Variants in LHFPL2 observed in about 807,000 individuals in gnomAD.
The protein encoded by LHFPL2 is LHFPL tetraspan subfamily member 2.
In LHFPL2, 7 loss-of-function variants were observed where a neutral mutation model predicts 17.5. The observed-to-expected ratio is 0.40, with a 90% CI of 0.23 to 0.75. The LOEUF (loss-of-function observed/expected upper bound fraction) is 0.75. Among genes scored for constraint, LHFPL2 ranks in the 30% least tolerant of loss-of-function variants. LHFPL2 has a pLI of 0.37. For missense variants in LHFPL2, 241 were observed against 294.8 expected (o/e 0.82, Z 1.34); for synonymous variants, 134 against 116.2 (o/e 1.15, Z -0.99).
intron 4 of LHFPL2, among the ~76,000 whole-genome samples, chr5:78,509,380 C>G (rs1561312013): frequency 1.3e-5 from 2 of 152,226 alleles, no homozygotes; most frequent in African/African-American, 4.8e-5. Context: ...TTACATTCCT[C>G]TTAGCATAAA....
chr5:78,486,217 T>C lies in LHFPL2; in HGVS notation c.*2680A>G, dbSNP rs1338238663. The C allele has an allele frequency of 6.6e-6, 1 of 152,580 alleles. No homozygotes were observed. Among genetic ancestry groups the C allele is most frequent in the African/African-American group, 2.4e-5 (1 of 41,446 alleles). The allele number at this position is 152,580 out of a possible 1,614,324, so 9.5% of individuals were successfully genotyped here. ...AAACCCTTATACAATTAATGCAACATTGTTTGAATTATTAGCACACAGGTT... is the reference window on the plus strand; with the variant it reads ...AAACCCTTATACAATTAATGCAACACTGTTTGAATTATTAGCACACAGGTT... On this transcript the variant is annotated 3_prime_UTR_variant, in exon 5 of 5. Transcript: ENST00000380345.
chr5:78,507,164 T>C (rs1754955439), intron 4 of LHFPL2, among the ~76,000 whole-genome samples: 1 of 151,980 alleles, frequency 6.6e-6, no homozygotes, highest in African/African-American at 2.4e-5. Context: ...ATTCTGTCAA[T>C]ACTAAAAATA....
chr5:78,600,665 C>T (rs12657225), intron 2 of LHFPL2, among the ~76,000 whole-genome samples: 55,033 of 151,976 alleles, frequency 0.36, 10,983 homozygotes, highest in Middle Eastern at 0.48. Flanking sequence ...GAGGTGGAGG[C>T]TGCGGTGAGC....
chr5:78,516,672 G>A (rs886999764), intron 3 of LHFPL2, among the ~76,000 whole-genome samples: 1 of 152,158 alleles, frequency 6.6e-6, no homozygotes, highest in South Asian at 2.1e-4. Flanking sequence ...GCGCATTCAT[G>A]ATATTTACTA....
chr5:78,594,263 C>T (rs114797976), intron 2 of LHFPL2, among the ~76,000 whole-genome samples: 7 of 152,268 alleles, frequency 4.6e-5, no homozygotes, highest in Admixed American at 6.5e-5. Context: ...CTCTGTTCCC[C>T]TATTTTTAGG....
chr5:78,607,676 G>C (rs990988737), intron 2 of LHFPL2, among the ~76,000 whole-genome samples: 1 of 152,134 alleles, frequency 6.6e-6, no homozygotes, highest in African/African-American at 2.4e-5. Flanking sequence ...TCAAAAGTCA[G>C]CATGAAAAGT....
At chr5:78,512,142 C>T (rs114658330) in intron 3 of LHFPL2, among the ~76,000 whole-genome samples, 280 of 152,168 alleles carry the variant, frequency 1.8e-3, no homozygotes, top group African/African-American at 6.4e-3. Flanking sequence ...TAGATGACAC[C>T]GTTCAGACAA....
chr5:78,522,442 T>TA (rs1018110669), intron 3 of LHFPL2, among the ~76,000 whole-genome samples: 2,057 of 150,684 alleles, frequency 0.014, 42 homozygotes, highest in African/African-American at 0.045. Flanking sequence ...TGTCTCAAAA[T>TA]AAAAAAAAAA....
intron 2 of LHFPL2, among the ~76,000 whole-genome samples, chr5:78,603,124 C>T (rs1046754863): frequency 1.3e-5 from 2 of 152,202 alleles, no homozygotes; most frequent in East Asian, 3.9e-4. Flanking sequence ...GATCTGCTGA[C>T]CTCGTGATCC....
chr5:78,602,083 A>C (rs1744041489), intron 2 of LHFPL2, among the ~76,000 whole-genome samples: 1 of 152,330 alleles, frequency 6.6e-6, no homozygotes, highest in Non-Finnish European at 1.5e-5. Context: ...CTTTGAAAAG[A>C]AGTTCCACTG....
chr5:78,571,795 G>A (rs1267901433), intron 2 of LHFPL2, among the ~76,000 whole-genome samples: 1 of 152,226 alleles, frequency 6.6e-6, no homozygotes, highest in Non-Finnish European at 1.5e-5. Flanking sequence ...TCATATGGAT[G>A]GATAAGGTGG....
intron 4 of LHFPL2, among the ~76,000 whole-genome samples, chr5:78,497,854 AAGT>A (rs1271323140): frequency 6.6e-6 from 1 of 152,206 alleles, no homozygotes; most frequent in Non-Finnish European, 1.5e-5. Context: ...ACACAGAAAA[AAGT>A]AGTCAGTTGA....
chr5:78,621,874 T>C (rs953271218), intron 2 of LHFPL2, among the ~76,000 whole-genome samples: 2 of 151,848 alleles, frequency 1.3e-5, no homozygotes, highest in African/African-American at 4.8e-5. Flanking sequence ...CCTTCCCCTT[T>C]CCCCCTAAGC....
At chr5:78,582,446 C>A (rs1159974926) in intron 2 of LHFPL2, among the ~76,000 whole-genome samples, 1 of 150,938 alleles carries the variant, frequency 6.6e-6, no homozygotes, top group East Asian at 1.9e-4. Flanking sequence ...TCCCTCTACA[C>A]ACTGCTTTGA....
intron 3 of LHFPL2, among the ~76,000 whole-genome samples, chr5:78,562,597 T>TGCA (rs966627067): frequency 6.8e-6 from 1 of 147,490 alleles, no homozygotes; most frequent in African/African-American, 2.5e-5. Context: ...ATCATGTCAC[T>TGCA]GCACTCCAGC....
intron 3 of LHFPL2, among the ~76,000 whole-genome samples, chr5:78,550,479 G>A (rs996743807): frequency 5.9e-5 from 9 of 152,290 alleles, no homozygotes; most frequent in African/African-American, 9.6e-5. Context: ...GAGGGAGAGC[G>A]CCGGAATGCA....
At chr5:78,569,149 G>A (rs1193309923) in intron 2 of LHFPL2, among the ~76,000 whole-genome samples, 1 of 152,114 alleles carries the variant, frequency 6.6e-6, no homozygotes, top group Admixed American at 6.5e-5. Flanking sequence ...GGGCCCCAAA[G>A]ACTTGAAGCA....
intron 2 of LHFPL2, among the ~76,000 whole-genome samples, chr5:78,578,832 T>A (rs1015681462): frequency 2.0e-5 from 3 of 152,230 alleles, no homozygotes; most frequent in African/African-American, 4.8e-5. Flanking sequence ...CTCAGTAGAA[T>A]GTTTGTTCCC....
chr5:78,495,965 T>C lies in LHFPL2; in HGVS notation c.431-6812A>G, dbSNP rs377091502. ...GGGCCTGTTATTCACAGTGACCCCCTTGGACGCTCACGCATCTGGGCATTC... is the reference window on the plus strand; with the variant it reads ...GGGCCTGTTATTCACAGTGACCCCCCTGGACGCTCACGCATCTGGGCATTC... On this transcript the variant is annotated intron_variant, in intron 4 of 4. Transcript: ENST00000380345. Among the ~76,000 whole-genome samples the C allele has an allele frequency of 5.9e-5, 9 of 152,316 alleles. No homozygotes were observed. The East Asian group carries it at 1.7e-3, about 29-fold the overall frequency.
Sources: gnomAD v4.1 joint callset for allele counts (sites outside exome capture counted in the v4.1 genomes callset) on GRCh38, gnomAD v4.1.1 for gene constraint, MANE v1.5 for transcripts, NCBI Gene and HGNC (gene_info 2026-07-23, HGNC 2026-07-21) for gene names.